JAM2: variants seen among roughly 807,000 people sequenced by gnomAD.
JAM2 encodes the protein junctional adhesion molecule B.
Under a neutral mutation model 42.0 loss-of-function variants are expected in JAM2, and 17 were observed. That is an observed-to-expected ratio of 0.40 (90% CI 0.28 to 0.61). The LOEUF (loss-of-function observed/expected upper bound fraction) is 0.61. Among genes scored for constraint, JAM2 ranks in the 20% least tolerant of loss-of-function variants. The probability of loss-of-function intolerance (pLI) is 0.37; values close to 1 mark genes in which losing one functional copy is unlikely to be tolerated. For missense variants in JAM2, 319 were observed against 358.3 expected (o/e 0.89, Z 0.89); for synonymous variants, 118 against 128.6 (o/e 0.92, Z 0.56).
chr21:25,700,550 G>A (rs538757452), intron 5 of JAM2, among the ~76,000 whole-genome samples: 3 of 152,024 alleles, frequency 2.0e-5, no homozygotes, highest in African/African-American at 4.8e-5. Flanking sequence ...TAGTAGAGAC[G>A]GGGTTTCTCC....
At chr21:25,703,602 G>T (rs2034211603) in intron 6 of JAM2, among the ~76,000 whole-genome samples, 1 of 151,976 alleles carries the variant, frequency 6.6e-6, no homozygotes, top group African/African-American at 2.4e-5. Context: ...CTGTCCTAAA[G>T]AAATTTTTTC....
Position 25,698,671 on chromosome 21 carries a change from G to T in JAM2, c.395-6G>T, listed in dbSNP as rs181603206. On this transcript the variant is annotated splice_region_variant and splice_polypyrimidine_tract_variant and intron_variant, in intron 4 of 9. Transcript: ENST00000480456. The stretch of plus-strand genomic sequence containing the variant: ...TAATCAATATCATTTGACTTCCATT[G>T]TTCAGTGGCTCCAGCAGTTCCATCA... 3.1e-6 allele frequency: 5 copies of T among 1,612,140 alleles called. No homozygotes were observed. In the Admixed American group the frequency reaches 6.7e-5, roughly 22 times the overall value.
At chr21:25,650,741 A>G (rs2032751070) in intron 1 of JAM2, among the ~76,000 whole-genome samples, 1 of 152,170 alleles carries the variant, frequency 6.6e-6, no homozygotes, top group South Asian at 2.1e-4. Context: ...ATAGCCCTAT[A>G]TTATAGTGTT....
intron 2 of JAM2, 44 bp from the exon 3 acceptor site, chr21:25,689,822 C>T (rs772867671): frequency 2.4e-6 from 3 of 1,251,656 alleles, no homozygotes; most frequent in Non-Finnish European, 3.5e-6. Flanking sequence ...AATATAAATT[C>T]ATGGGGACAA....
intron 6 of JAM2, among the ~76,000 whole-genome samples, chr21:25,705,746 T>A (rs1568918807): frequency 6.6e-6 from 1 of 152,256 alleles, no homozygotes; most frequent in Non-Finnish European, 1.5e-5. Flanking sequence ...TATTTTTTAA[T>A]CTGAGAAGTT....
intron 5 of JAM2, among the ~76,000 whole-genome samples, chr21:25,700,501 C>T (rs1167242564): frequency 1.3e-5 from 2 of 152,164 alleles, no homozygotes; most frequent in Non-Finnish European, 2.9e-5. Context: ...GCTGGGACTA[C>T]AGGCACCTGC....
chr21:25,673,624 T>C (rs983020501), intron 1 of JAM2, among the ~76,000 whole-genome samples: 1 of 152,186 alleles, frequency 6.6e-6, no homozygotes, highest in Non-Finnish European at 1.5e-5. Flanking sequence ...CTGGCGGTCT[T>C]ATGTCTGGAG....
At chr21:25,648,162 G>A (rs1310058783) in intron 1 of JAM2, among the ~76,000 whole-genome samples, 1 of 152,032 alleles carries the variant, frequency 6.6e-6, no homozygotes, top group East Asian at 1.9e-4. Context: ...AATGAGCTGA[G>A]ATTGTGCCAC....
At chr21:25,696,037 G>T (rs999162843) in intron 4 of JAM2, among the ~76,000 whole-genome samples, 9 of 152,182 alleles carry the variant, frequency 5.9e-5, no homozygotes, top group Non-Finnish European at 1.0e-4. Context: ...CAAGGCAGGC[G>T]GCTGGGAGGT....
At chr21:25,669,330 C>T (rs567925600) in intron 1 of JAM2, among the ~76,000 whole-genome samples, 86 of 150,832 alleles carry the variant, frequency 5.7e-4, no homozygotes, top group African/African-American at 1.5e-3. Context: ...CATGATTGCG[C>T]GCCTGCACTC....
At chr21:25,714,552 C>A (rs1047485964) in intron 9 of JAM2, 88 bp from the exon 10 acceptor site, 3 of 870,914 alleles carry the variant, frequency 3.4e-6, no homozygotes, top group Non-Finnish European at 3.5e-6. Context: ...AGAATTCTTA[C>A]AATAAATATA....
chr21:25,641,776 A>G (rs1196533823), intron 1 of JAM2, among the ~76,000 whole-genome samples: 6 of 152,162 alleles, frequency 3.9e-5, no homozygotes, highest in Non-Finnish European at 7.3e-5. Context: ...TTTCTATTCC[A>G]GGATGCCATC....
rs1240984001 is a variant in JAM2 at position 25,715,845 on chromosome 21, C to T, written c.*1173C>T. 1 of 152,212 alleles carries T rather than the reference C, an allele frequency of 6.6e-6. No homozygotes were observed. The highest frequency in any genetic ancestry group is 1.9e-4 in the East Asian group (1 of 5,202). 9.4% of individuals were successfully genotyped at this position (152,212 alleles called of 1,614,324 possible). A position where few individuals can be genotyped will look rare whatever the true frequency, so the allele number is the denominator to read the frequency against. Reference sequence around the variant, plus strand: ...ATTAGACTATGTTAAAAATTCATATCATTTGTAACTTCTTTTAATTACTGA... The same window carrying T: ...ATTAGACTATGTTAAAAATTCATATTATTTGTAACTTCTTTTAATTACTGA... On this transcript the variant is annotated 3_prime_UTR_variant, in exon 10 of 10. Transcript: ENST00000480456.
intron 1 of JAM2, among the ~76,000 whole-genome samples, chr21:25,663,830 C>A (rs7277834): frequency 0.44 from 67,117 of 152,042 alleles, 18,443 homozygotes; most frequent in African/African-American, 0.76. Context: ...ATTCCATTAT[C>A]AGCAACAGAA....
At chr21:25,712,182 T>C in intron 8 of JAM2, 158 bp from the exon 9 acceptor site, 1 of 664,158 alleles carries the variant, frequency 1.5e-6, no homozygotes, top group East Asian at 2.8e-5. Flanking sequence ...TCTGTAAATA[T>C]AAGAAATTCA....
At chr21:25,651,061 C>CAAAA (rs35308745) in intron 1 of JAM2, among the ~76,000 whole-genome samples, 112 of 71,016 alleles carry the variant, frequency 1.6e-3, no homozygotes, top group African/African-American at 4.6e-3. Flanking sequence ...CTCCCCCCGC[C>CAAAA]AAAAAAAAAA....
chr21:25,648,110 C>G (rs11910295), intron 1 of JAM2, among the ~76,000 whole-genome samples: 1 of 152,028 alleles, frequency 6.6e-6, no homozygotes, highest in African/African-American at 2.4e-5. Flanking sequence ...ACTCAGGAGG[C>G]TGAGGCATGA....
At chr21:25,676,422 A>G (rs1026969575) in intron 1 of JAM2, among the ~76,000 whole-genome samples, 4 of 152,148 alleles carry the variant, frequency 2.6e-5, no homozygotes, top group Admixed American at 2.6e-4. Context: ...TTGTCATAAT[A>G]TAAAGTATAT....
chr21:25,654,762 G>A (rs17407272), intron 1 of JAM2, among the ~76,000 whole-genome samples: 8,410 of 151,864 alleles, frequency 0.055, 256 homozygotes, highest in Middle Eastern at 0.093. Context: ...CTCAGCAAGC[G>A]AACTTTCATT....
Sources: allele counts gnomAD v4.1 joint callset (sites outside exome capture counted in the v4.1 genomes callset), GRCh38; gene constraint gnomAD v4.1.1; transcripts MANE v1.5; gene names NCBI Gene and HGNC (gene_info 2026-07-23, HGNC 2026-07-21).